The following ADAM12 variants were observed in gnomAD, a reference collection of about 807,000 sequenced individuals.
The protein encoded by ADAM12 is disintegrin and metalloproteinase domain-containing protein 12.
In ADAM12, 70 loss-of-function variants were observed where a neutral mutation model predicts 106.4. The ratio of observed to expected loss-of-function variants is 0.66; its 90% confidence interval spans 0.54 to 0.80. The LOEUF (loss-of-function observed/expected upper bound fraction) is 0.80. Among genes scored for constraint, ADAM12 ranks in the 30% least tolerant of loss-of-function variants. The pLI, the probability that ADAM12 is intolerant of heterozygous loss-of-function variation, is 0.00. For synonymous variants in ADAM12, 420 were observed against 433.5 expected, an observed-to-expected ratio of 0.97 and a Z score of 0.39; for missense variants, 1,010 against 1,171.9, an observed-to-expected ratio of 0.86 and a Z score of 2.02.
At chr10:126,018,957 G>A (rs540234202) in intron 22 of ADAM12, among the ~76,000 whole-genome samples, 42 of 152,280 alleles carry the variant, frequency 2.8e-4, no homozygotes, top group African/African-American at 1.0e-3. Flanking sequence ...TTGTGGAGGT[G>A]GGCATTGAGA....
chr10:126,140,458 A>G (rs1328048611), intron 4 of ADAM12, among the ~76,000 whole-genome samples: 1 of 152,222 alleles, frequency 6.6e-6, no homozygotes, highest in Non-Finnish European at 1.5e-5. Flanking sequence ...AGTATTGCTT[A>G]TGAGGGAGGA....
At chr10:126,151,384 C>G (rs1160995354) in intron 4 of ADAM12, among the ~76,000 whole-genome samples, 3 of 152,158 alleles carry the variant, frequency 2.0e-5, no homozygotes, top group Non-Finnish European at 4.4e-5. Flanking sequence ...TACTTTTAAT[C>G]TGAAGATATT....
intron 1 of ADAM12, among the ~76,000 whole-genome samples, chr10:126,368,706 G>A (rs1291597595): frequency 6.6e-6 from 1 of 151,290 alleles, no homozygotes; most frequent in Non-Finnish European, 1.5e-5. Flanking sequence ...TGTTTTAGAA[G>A]GAGTCATTTC....
intron 3 of ADAM12, among the ~76,000 whole-genome samples, chr10:126,245,088 G>A (rs549542478): frequency 2.6e-5 from 4 of 152,322 alleles, no homozygotes; most frequent in Admixed American, 6.5e-5. Context: ...ACACAGAGAT[G>A]TTGGAGTCAC....
chr10:126,038,368 C>T lies in ADAM12; in HGVS notation c.2241-19G>A. ...CACACACCTGCAACAGAATCCCATA[C>T]CTGCTGACCAAGCGTGTTTCCCCTT... On this transcript the variant is annotated intron_variant, in intron 19 of 22. Transcript: ENST00000448723. 1 of 1,539,142 alleles carries T rather than the reference C, an allele frequency of 6.5e-7. No homozygotes were observed. The highest frequency in any genetic ancestry group is 8.8e-7 in the Non-Finnish European group (1 of 1,140,918).
Position 126,243,612 on chromosome 10 carries a change from G to A in ADAM12, c.260+35303C>T, listed in dbSNP as rs188539826. ...TTATGGGATGTGTTTTTCACTTTCA[G>A]GGTGAATACATTTTTATTGACTTCT... On this transcript the variant is annotated intron_variant, in intron 3 of 22. Transcript: ENST00000448723. Among the ~76,000 whole-genome samples, 6 of 152,238 alleles carry A rather than the reference G, an allele frequency of 3.9e-5. No homozygotes were observed. In the East Asian group the frequency reaches 1.2e-3, roughly 29 times the overall value.
At position 126,117,998 on chromosome 10, in the gene ADAM12, C is replaced by T. The variant is rs201916507; in HGVS notation, c.603+40G>A. 4,326 of 1,604,024 alleles carry T rather than the reference C, an allele frequency of 2.7e-3. 6 individuals carry two copies. The highest frequency in any genetic ancestry group is 3.5e-3 in the Non-Finnish European group (4,110 of 1,171,668). On this transcript the variant is annotated intron_variant, in intron 6 of 22. Coordinates refer to ENST00000448723, the MANE Select transcript of ADAM12 (RefSeq NM_001288973.2). ...GTGTGGGGTATCCGTAGCTTGAGCTCCTAGCTTTCCAGAAACACAAAATCA... is the reference window on the plus strand; with the variant it reads ...GTGTGGGGTATCCGTAGCTTGAGCTTCTAGCTTTCCAGAAACACAAAATCA...
Position 126,118,120 on chromosome 10 carries a change from C to A in ADAM12, c.521G>T (p.Gly174Val). ...FPAKKLKSVR[G>V]SCGSHHNTPN... ...TGTGTTGTGATGTGATCCACATGAT[C>A]CCCGGACGCTTTTCAGCTTCTTCGC... is the stretch of plus-strand genomic sequence containing the variant. The change falls in exon 6 of 23, where the codon GGA becomes GTA. Residue 174 changes from glycine to valine, a missense_variant. By Grantham distance (109) the Gly-to-Val change is moderately radical. Transcript: ENST00000448723. 6.2e-7 allele frequency: 1 copy of A among 1,614,156 alleles called. No homozygotes were observed. The highest frequency in any genetic ancestry group is 8.5e-7 in the Non-Finnish European group (1 of 1,180,030).
intron 3 of ADAM12, among the ~76,000 whole-genome samples, chr10:126,257,144 C>T (rs892523897): frequency 2.0e-5 from 3 of 152,184 alleles, no homozygotes; most frequent in African/African-American, 4.8e-5. Flanking sequence ...GCCTGGATTC[C>T]CTTTCACTTG....
At chr10:126,202,170 G>A (rs7916951) in intron 3 of ADAM12, among the ~76,000 whole-genome samples, 14,985 of 152,272 alleles carry the variant, frequency 0.098, 2,146 homozygotes, top group African/African-American at 0.31. Context: ...ATGTGGGGAA[G>A]TTCTACTCCG....
At chr10:126,214,054 A>C (rs1332441053) in intron 3 of ADAM12, among the ~76,000 whole-genome samples, 2 of 152,262 alleles carry the variant, frequency 1.3e-5, no homozygotes, top group Admixed American at 1.3e-4. Flanking sequence ...GGCTAAAATC[A>C]GGACACTGGA....
intron 2 of ADAM12, among the ~76,000 whole-genome samples, chr10:126,318,184 G>C (rs1022686347): frequency 3.3e-5 from 5 of 152,022 alleles, no homozygotes; most frequent in East Asian, 1.9e-4. Flanking sequence ...TGCCAGAAAG[G>C]AAGGAAGTGC....
rs1957488604 is a variant in ADAM12 at position 126,190,989 on chromosome 10, C to CTTTTTTTTT, written c.261-35685_261-35684insAAAAAAAAA. Among the ~76,000 whole-genome samples the CTTTTTTTTT allele has an allele frequency of 3.3e-4, 23 of 68,730 alleles. 11 individuals carry two copies. The highest frequency in any genetic ancestry group is 3.2e-4 in the Non-Finnish European group (8 of 25,136). 45.1% of individuals were successfully genotyped at this position (68,730 alleles called of 152,430 possible). A position where few individuals can be genotyped will look rare whatever the true frequency, so the allele number is the denominator to read the frequency against. On this transcript the variant is annotated intron_variant, in intron 3 of 22. Coordinates refer to ENST00000448723, the MANE Select transcript of ADAM12 (RefSeq NM_001288973.2). Reference sequence around the variant, plus strand: ...TTTGAGTTGCCATGAGGAGTTTTGTCCTTTTTTTTTTTTTTTTTTTTTTTT... The same window carrying CTTTTTTTTT: ...TTTGAGTTGCCATGAGGAGTTTTGTCTTTTTTTTTCTTTTTTTTTTTTTTTTTTTTTTTT...
chr10:126,320,670 C>T (rs1854064439), intron 2 of ADAM12, among the ~76,000 whole-genome samples: 1 of 152,118 alleles, frequency 6.6e-6, no homozygotes, highest in South Asian at 2.1e-4. Context: ...AACATTAATA[C>T]CATTAAATCT....
At chr10:126,320,542 G>C (rs2133833467) in intron 2 of ADAM12, among the ~76,000 whole-genome samples, 1 of 152,310 alleles carries the variant, frequency 6.6e-6, no homozygotes, top group Admixed American at 6.5e-5. Context: ...ACTACTTATT[G>C]AGTGATTATT....
intron 11 of ADAM12, among the ~76,000 whole-genome samples, chr10:126,073,468 C>T (rs1430585732): frequency 1.3e-5 from 2 of 151,982 alleles, no homozygotes; most frequent in African/African-American, 2.4e-5. Context: ...TGCATGTTAG[C>T]GAGGTTTGGT....
At chr10:126,323,312 C>T (rs1240360351) in intron 2 of ADAM12, among the ~76,000 whole-genome samples, 1 of 152,218 alleles carries the variant, frequency 6.6e-6, no homozygotes, top group Non-Finnish European at 1.5e-5. Context: ...AAATATAGGT[C>T]TGGCTATGTC....
chr10:126,352,104 A>G (rs1564750250), intron 1 of ADAM12, among the ~76,000 whole-genome samples: 1 of 152,098 alleles, frequency 6.6e-6, no homozygotes, highest in Non-Finnish European at 1.5e-5. Flanking sequence ...GACACTTAAC[A>G]TAAGGTCAAG....
At chr10:126,079,311 T>G (rs538267973) in intron 11 of ADAM12, among the ~76,000 whole-genome samples, 13 of 151,632 alleles carry the variant, frequency 8.6e-5, no homozygotes, top group Admixed American at 4.6e-4. Flanking sequence ...CCCACATCCA[T>G]GAAGCCATCA....
Sources: allele counts gnomAD v4.1 joint callset (sites outside exome capture counted in the v4.1 genomes callset), GRCh38; gene constraint gnomAD v4.1.1; transcripts MANE v1.5; gene names NCBI Gene and HGNC (gene_info 2026-07-23, HGNC 2026-07-21).